The following CNR1 variants were observed in gnomAD, a reference collection of about 807,000 sequenced individuals.
The protein encoded by CNR1 is cannabinoid receptor 1 (brain).
Under a neutral mutation model 23.0 loss-of-function variants are expected in CNR1, and 10 were observed. The ratio of observed to expected loss-of-function variants is 0.43; its 90% CI spans 0.27 to 0.74. The LOEUF (loss-of-function observed/expected upper bound fraction) is 0.74. Ranked by LOEUF, CNR1 falls within the 30% of genes least tolerant of loss-of-function variation. CNR1 has a pLI of 0.19. For missense variants in CNR1, 422 were observed against 618.8 expected (o/e 0.68, Z 3.37); for synonymous variants, 271 against 255.2 (o/e 1.06, Z -0.59).
intron 1 of CNR1, among the ~76,000 whole-genome samples, chr6:88,164,593 G>GA (rs1397793556): frequency 6.6e-6 from 1 of 151,858 alleles, no homozygotes; most frequent in South Asian, 2.1e-4. Context: ...GAGTACCAGG[G>GA]AAAAAAAGGA....
intron 1 of CNR1, among the ~76,000 whole-genome samples, chr6:88,158,895 T>G: frequency 6.6e-6 from 1 of 152,248 alleles, no homozygotes; most frequent in East Asian, 1.9e-4. Context: ...TAATGTCATT[T>G]AGCCAGAAAA....
intron 1 of CNR1, among the ~76,000 whole-genome samples, chr6:88,160,129 A>G (rs1043392012): frequency 1.3e-4 from 20 of 152,072 alleles, no homozygotes; most frequent in African/African-American, 3.9e-4. Context: ...GGAGTTCAAG[A>G]CCAGCGTGGC....
chr6:88,166,864 C>T (rs916943766), upstream of CNR1, among the ~76,000 whole-genome samples: 1 of 151,964 alleles, frequency 6.6e-6, no homozygotes, highest in African/African-American at 2.4e-5. Context: ...CGCGCCCCCT[C>T]CCTCCGCGCA....
chr6:88,147,146 T>A (rs1052786797), intron 1 of CNR1, among the ~76,000 whole-genome samples: 2 of 151,918 alleles, frequency 1.3e-5, no homozygotes, highest in African/African-American at 4.8e-5. Context: ...AAAAGAAATT[T>A]AAAAAAATTT....
chr6:88,149,296 C>T (rs1369417406), intron 1 of CNR1, among the ~76,000 whole-genome samples: 1 of 152,190 alleles, frequency 6.6e-6, no homozygotes, highest in Non-Finnish European at 1.5e-5. Flanking sequence ...TGTTAACTCT[C>T]GAGTATCCTT....
chr6:88,153,108 T>C (rs1481978935), intron 1 of CNR1, among the ~76,000 whole-genome samples: 1 of 152,358 alleles, frequency 6.6e-6, no homozygotes, highest in Non-Finnish European at 1.5e-5. Flanking sequence ...TCTTAATGTA[T>C]TAAATCCATT....
At chr6:88,158,152 G>C (rs1057163951) in intron 1 of CNR1, among the ~76,000 whole-genome samples, 1 of 152,178 alleles carries the variant, frequency 6.6e-6, no homozygotes, top group African/African-American at 2.4e-5. Flanking sequence ...GAAGAACGAG[G>C]TTTCAGTAGC....
upstream of CNR1, chr6:88,166,427 G>A (rs1445001031): frequency 6.6e-6 from 1 of 152,366 alleles, no homozygotes; most frequent in African/African-American, 2.4e-5. Context: ...CCTGGCAGCG[G>A]CGGCGGCACA....
chr6:88,154,262 T>G (rs1272543210), intron 1 of CNR1, among the ~76,000 whole-genome samples: 1 of 152,220 alleles, frequency 6.6e-6, no homozygotes, highest in Non-Finnish European at 1.5e-5. Context: ...ACGAGTGTAG[T>G]AGACTGTACT....
At chr6:88,163,271 T>C (rs1395289144) in intron 1 of CNR1, among the ~76,000 whole-genome samples, 1 of 152,246 alleles carries the variant, frequency 6.6e-6, no homozygotes, top group Non-Finnish European at 1.5e-5. Context: ...TTGCTAGTTA[T>C]GTGTCATTAG....
rs1265059380 is a variant in CNR1 at position 88,144,335 on chromosome 6, G to T, written c.940C>A (p.Gln314Lys). 2 of 1,613,366 alleles carry T rather than the reference G, an allele frequency of 1.2e-6. No homozygotes were observed. The highest frequency in any genetic ancestry group is 1.7e-6 in the Non-Finnish European group (2 of 1,180,006). The change falls in exon 2 of 2, where the codon CAG becomes AAG. Residue 314 changes from glutamine to lysine, a missense_variant. Gln to Lys is a moderately conservative substitution (Grantham distance 53, BLOSUM62 1). Coordinates refer to ENST00000369501, the MANE Select transcript of CNR1 (RefSeq NM_016083.6). The surrounding 1 kb of genome is among the most constrained non-coding windows in gnomAD (Gnocchi z 7.8). Reference sequence around the variant, plus strand: ...GACGTGTGGATGATGATGCTCTTCTGGGTGCCACGCTGAATCATGCGGACG... The same window carrying T: ...GACGTGTGGATGATGATGCTCTTCTTGGTGCCACGCTGAATCATGCGGACG... ...HAVRMIQRGT[Q>K]KSIIIHTSED...
At chr6:88,147,429 G>A (rs778535702) in intron 1 of CNR1, among the ~76,000 whole-genome samples, 4 of 152,222 alleles carry the variant, frequency 2.6e-5, no homozygotes, top group African/African-American at 4.8e-5. Flanking sequence ...ATGCTCTGGG[G>A]ACACCCAGTC....
Position 88,145,308 on chromosome 6 carries a change from G to T in CNR1, c.-34C>A. On this transcript the variant is annotated 5_prime_UTR_variant, in exon 2 of 2. Transcript: ENST00000369501. ...TCTTTGATTAGGCTGAGCTCAAAAT[G>T]ACTGAGAAAGTGACCCACAGGGGGC... 3 of 1,551,264 alleles carry T rather than the reference G, an allele frequency of 1.9e-6. No homozygotes were observed. The South Asian group carries it at 3.6e-5, about 19-fold the overall frequency.
chr6:88,145,038 T>C lies in CNR1; in HGVS notation c.237A>G (p.Thr79=), dbSNP rs199594347. The stretch of plus-strand genomic sequence containing the variant: ...ACGAGAGAGACTTGTTGTAAAATTC[T>C]GTAATGTTCACCTGGTCTGCTGGGA... The part of the protein sequence containing the change: ...QLVPADQVNI[T]EFYNKSLSSF... Residue 79 remains threonine (T), a synonymous_variant, in exon 2 of 2, where the codon ACA becomes ACG. Transcript: ENST00000369501. 3 of 1,614,200 alleles carry C rather than the reference T, an allele frequency of 1.9e-6. No homozygotes were observed. Among genetic ancestry groups the C allele is most frequent in the East Asian group, 4.5e-5 (2 of 44,884 alleles).
rs1776836168 is a variant in CNR1, at chr6:88,141,782, A to G, written c.*2074T>C. On this transcript the variant is annotated 3_prime_UTR_variant, in exon 2 of 2. Coordinates refer to ENST00000369501, the MANE Select transcript of CNR1 (RefSeq NM_016083.6). ...CAATGCAAAGTATCTCATAAGCCAC[A>G]TCCTGCCTTAGAGCGTGAACCGTAA... 2 of 152,334 alleles carry G rather than the reference A, an allele frequency of 1.3e-5. No homozygotes were observed. Among genetic ancestry groups the G allele is most frequent in the Non-Finnish European group, 2.9e-5 (2 of 68,038 alleles). 9.4% of individuals were successfully genotyped at this position (152,334 alleles called of 1,614,324 possible). A position where few individuals can be genotyped will look rare whatever the true frequency, so the allele number is the denominator to read the frequency against.
chr6:88,155,575 G>C (rs1777749347), intron 1 of CNR1, among the ~76,000 whole-genome samples: 1 of 152,150 alleles, frequency 6.6e-6, no homozygotes, highest in Non-Finnish European at 1.5e-5. Flanking sequence ...TTCATTTACA[G>C]GGAAGAAGAG....
chr6:88,145,244 T>C lies in CNR1; in HGVS notation c.31A>G (p.Thr11Ala). The change falls in exon 2 of 2, where the codon ACC becomes GCC. Residue 11 changes from threonine (T) to alanine (A), a missense_variant. By Grantham distance (58) the Thr-to-Ala change is moderately conservative (BLOSUM62 0). Transcript: ENST00000369501. MKSILDGLAD[T>A]TFRTITTDLL... Reference sequence around the variant, plus strand: ...TCAGTGGTGATGGTGCGGAAGGTGGTATCTGCAAGGCCATCTAGGATCGAC... The same window carrying C: ...TCAGTGGTGATGGTGCGGAAGGTGGCATCTGCAAGGCCATCTAGGATCGAC... 6.2e-7 allele frequency: 1 copy of C among 1,613,746 alleles called. No homozygotes were observed. The highest frequency in any genetic ancestry group is 8.5e-7 in the Non-Finnish European group (1 of 1,179,784).
At chr6:88,165,161 T>C (rs2127774299) in intron 1 of CNR1, among the ~76,000 whole-genome samples, 1 of 152,364 alleles carries the variant, frequency 6.6e-6, no homozygotes, top group South Asian at 2.1e-4. Context: ...TTCTCATGTC[T>C]ATTACAGCAA....
chr6:88,163,311 T>A (rs1252073618), intron 1 of CNR1, among the ~76,000 whole-genome samples: 1 of 152,222 alleles, frequency 6.6e-6, no homozygotes, highest in Non-Finnish European at 1.5e-5. Flanking sequence ...GTTACTCTTG[T>A]TTTTGCAGCA....
Sources: allele counts gnomAD v4.1 joint callset (sites outside exome capture counted in the v4.1 genomes callset), GRCh38; gene constraint gnomAD v4.1.1; non-coding constraint Gnocchi (gnomAD v3.1); transcripts MANE v1.5; gene names NCBI Gene and HGNC (gene_info 2026-07-23, HGNC 2026-07-21).